ST6GALNAC3: variants seen among roughly 807,000 people sequenced by gnomAD.
ST6GALNAC3 encodes alpha-N-acetylgalactosaminide alpha-2,6-sialyltransferase 3.
In ST6GALNAC3, 25 loss-of-function variants were observed where a neutral mutation model predicts 32.7. That is an observed-to-expected ratio of 0.76 (90% CI 0.56 to 1.07). The LOEUF (loss-of-function observed/expected upper bound fraction) is 1.07. Ranked by LOEUF, ST6GALNAC3 falls within the 50% of genes least tolerant of loss-of-function variation. The probability of loss-of-function intolerance (pLI) is 0.00; values close to 1 mark genes in which losing one functional copy is unlikely to be tolerated. For missense variants in ST6GALNAC3, 355 were observed against 382.4 expected (o/e 0.93, Z 0.60); for synonymous variants, 129 against 133.1 (o/e 0.97, Z 0.21).
At chr1:76,275,368 C>A (rs988385449) in intron 1 of ST6GALNAC3, among the ~76,000 whole-genome samples, 8 of 152,160 alleles carry the variant, frequency 5.3e-5, no homozygotes, top group African/African-American at 1.9e-4. Context: ...TAGAACATTT[C>A]ACATTTTTGA....
At chr1:76,408,130 T>C (rs1196362818) in intron 2 of ST6GALNAC3, among the ~76,000 whole-genome samples, 2 of 152,112 alleles carry the variant, frequency 1.3e-5, no homozygotes, top group African/African-American at 4.8e-5. Context: ...AAGCTTTTTG[T>C]GCTACCTGAA....
chr1:76,284,391 A>G (rs186701261), intron 1 of ST6GALNAC3, among the ~76,000 whole-genome samples: 2 of 152,324 alleles, frequency 1.3e-5, no homozygotes, highest in Non-Finnish European at 1.5e-5. Context: ...CATATTTTCT[A>G]TTCTATTGGG....
At chr1:76,460,216 AT>A (rs1183740561) in intron 3 of ST6GALNAC3, among the ~76,000 whole-genome samples, 1 of 151,876 alleles carries the variant, frequency 6.6e-6, no homozygotes, top group Non-Finnish European at 1.5e-5. Context: ...TTTTGTTTTC[AT>A]TTTCCTAATG....
intron 1 of ST6GALNAC3, among the ~76,000 whole-genome samples, chr1:76,096,376 A>C (rs1000141016): frequency 1.4e-4 from 21 of 152,124 alleles, no homozygotes; most frequent in African/African-American, 4.6e-4. Flanking sequence ...AGCTTATTGC[A>C]TTTGTTTTAC....
At chr1:76,467,894 T>C (rs1347147401) in intron 3 of ST6GALNAC3, among the ~76,000 whole-genome samples, 4 of 152,052 alleles carry the variant, frequency 2.6e-5, no homozygotes, top group Non-Finnish European at 5.9e-5. Flanking sequence ...ATAAATGGAA[T>C]GAAAGTCTAA....
chr1:76,320,800 T>C (rs1646950893), intron 2 of ST6GALNAC3, among the ~76,000 whole-genome samples: 1 of 151,928 alleles, frequency 6.6e-6, no homozygotes, highest in South Asian at 2.1e-4. Context: ...ATATGGAAAA[T>C]ACATACATGT....
At chr1:76,448,778 C>G (rs1054615166) in intron 3 of ST6GALNAC3, among the ~76,000 whole-genome samples, 1 of 152,106 alleles carries the variant, frequency 6.6e-6, no homozygotes, top group African/African-American at 2.4e-5. Flanking sequence ...TGAGGCCTCA[C>G]CAGCCATGTG....
At chr1:76,513,502 T>C (rs1661996804) in intron 3 of ST6GALNAC3, among the ~76,000 whole-genome samples, 1 of 152,218 alleles carries the variant, frequency 6.6e-6, no homozygotes, top group Non-Finnish European at 1.5e-5. Context: ...TCTGCTTATA[T>C]GTTAGTACCA....
chr1:76,574,490 T>C (rs183999980), intron 3 of ST6GALNAC3, among the ~76,000 whole-genome samples: 1 of 150,982 alleles, frequency 6.6e-6, no homozygotes, highest in East Asian at 1.9e-4. Context: ...GCAGTAATTA[T>C]CAGCCTCTTT....
intron 1 of ST6GALNAC3, among the ~76,000 whole-genome samples, chr1:76,194,296 A>G (rs1654069852): frequency 1.3e-5 from 2 of 152,224 alleles, no homozygotes; most frequent in African/African-American, 4.8e-5. Context: ...ACTATTATAT[A>G]TGCAAGGAAG....
At chr1:76,225,238 T>A (rs909824326) in intron 1 of ST6GALNAC3, among the ~76,000 whole-genome samples, 1 of 152,172 alleles carries the variant, frequency 6.6e-6, no homozygotes, top group Non-Finnish European at 1.5e-5. Context: ...AATCTGATAT[T>A]TGAATCTTAT....
chr1:76,155,709 C>G (rs1651366456), intron 1 of ST6GALNAC3, among the ~76,000 whole-genome samples: 1 of 151,944 alleles, frequency 6.6e-6, no homozygotes, highest in Non-Finnish European at 1.5e-5. Flanking sequence ...GATCTCCTGA[C>G]CTCGTGATCC....
intron 2 of ST6GALNAC3, among the ~76,000 whole-genome samples, chr1:76,361,757 T>A (rs1043357210): frequency 3.3e-5 from 5 of 152,076 alleles, no homozygotes; most frequent in Admixed American, 6.6e-5. Flanking sequence ...AGCAGGTGGA[T>A]CACCTGAGGT....
At chr1:76,477,337 G>A (rs1208714481) in intron 3 of ST6GALNAC3, among the ~76,000 whole-genome samples, 1 of 152,032 alleles carries the variant, frequency 6.6e-6, no homozygotes, top group Non-Finnish European at 1.5e-5. Context: ...AATGCCCTGA[G>A]AACACAAGGT....
intron 1 of ST6GALNAC3, among the ~76,000 whole-genome samples, chr1:76,126,847 A>G (rs974365227): frequency 5.3e-5 from 8 of 152,186 alleles, no homozygotes; most frequent in African/African-American, 2.4e-5. Flanking sequence ...CGTTTTATTC[A>G]GTTAAAAAAG....
chr1:76,193,338 C>T (rs547842887), intron 1 of ST6GALNAC3, among the ~76,000 whole-genome samples: 2 of 152,126 alleles, frequency 1.3e-5, no homozygotes, highest in African/African-American at 4.8e-5. Flanking sequence ...ATTTGTCACA[C>T]ACATGTTGTT....
intron 3 of ST6GALNAC3, among the ~76,000 whole-genome samples, chr1:76,609,355 A>G (rs1647771280): frequency 6.6e-6 from 1 of 152,158 alleles, no homozygotes; most frequent in African/African-American, 2.4e-5. Context: ...TATTTTTACA[A>G]TTACTTGTGA....
chr1:76,233,987 T>C (rs519797), intron 1 of ST6GALNAC3, among the ~76,000 whole-genome samples: 48,650 of 152,038 alleles, frequency 0.32, 10,032 homozygotes, highest in African/African-American at 0.59. Context: ...ATGAAAACAT[T>C]TAAGAATTAC....
At chr1:76,456,414 T>A (rs1455673020) in intron 3 of ST6GALNAC3, among the ~76,000 whole-genome samples, 1 of 152,092 alleles carries the variant, frequency 6.6e-6, no homozygotes, top group East Asian at 1.9e-4. Context: ...TGGTGCAATC[T>A]CGGCTCATTG....
Sources: allele counts gnomAD v4.1 joint callset (sites outside exome capture counted in the v4.1 genomes callset), GRCh38; gene constraint gnomAD v4.1.1; transcripts MANE v1.5; gene names NCBI Gene and HGNC (gene_info 2026-07-23, HGNC 2026-07-21).